TCOF1: variants seen among roughly 807,000 people sequenced by gnomAD.
TCOF1 encodes the protein treacle protein.
A neutral mutation model predicts 149.0 loss-of-function variants in TCOF1; 33 were observed. The observed-to-expected ratio is 0.22, with a 90% CI of 0.17 to 0.30. The LOEUF is 0.30. Ranked by LOEUF, TCOF1 falls within the 10% of genes least tolerant of loss-of-function variation. The pLI is 1.00. For synonymous variants in TCOF1, 789 were observed against 738.8 expected (o/e 1.07, Z -1.10); for missense variants, 1,728 against 1,840.7 (o/e 0.94, Z 1.12).
chr5:150,397,972 G>A (rs954115112), intron 24 of TCOF1, among the ~76,000 whole-genome samples: 9 of 152,138 alleles, frequency 5.9e-5, no homozygotes, highest in African/African-American at 2.2e-4. Context: ...ACCCAGGCTG[G>A]AGTTCAGTGT....
intron 17 of TCOF1, chr5:150,383,040 T>C (rs774965151): frequency 2.0e-6 from 3 of 1,523,084 alleles, no homozygotes; most frequent in South Asian, 1.2e-5. Context: ...ACCACGTGCT[T>C]ATCCAGGTCT....
At position 150,374,349 on chromosome 5, in the gene TCOF1, G is replaced by A; in HGVS notation, c.1046G>A (p.Ser349Asn). The A allele has an allele frequency of 6.4e-7, 1 of 1,562,178 alleles. No individual in the cohort carries two copies. The highest frequency in any genetic ancestry group is 1.7e-4 in the Middle Eastern group (1 of 5,898). ...AGCAGCAGCGAGGAGTCATCTGACA[G>A]TGAGGAGGAGACGCCAGCTGCCAAG... ...SESSSEESSD[S>N]EEETPAAKAL... Residue 349 changes from serine (S) to asparagine (N), a missense_variant, in exon 8 of 27, where the codon AGT (serine) becomes AAT (asparagine). By Grantham distance (46) the Ser-to-Asn change is conservative (BLOSUM62 1). This residue lies in a region of TCOF1 where 1,696 missense variants were observed against 1,765.4 expected (regional missense o/e 0.96). Coordinates refer to ENST00000643257, the MANE Select transcript of TCOF1 (RefSeq NM_001371623.1).
At chr5:150,364,455 G>A (rs1177615117) in intron 3 of TCOF1, among the ~76,000 whole-genome samples, 3 of 152,172 alleles carry the variant, frequency 2.0e-5, no homozygotes, top group Non-Finnish European at 4.4e-5. Context: ...GTGCAAGGCC[G>A]AACCAAAACA....
In TCOF1 at chr5:150,369,661, C is replaced by T. The variant is rs1021027814; in HGVS notation, c.639+59C>T. ...CCCAGCCTCTAACCCTTCCAGGAACCTGTCTGGGGCTTCAGACACCAGTGG... is the reference window on the plus strand; with the variant it reads ...CCCAGCCTCTAACCCTTCCAGGAACTTGTCTGGGGCTTCAGACACCAGTGG... On this transcript the variant is annotated intron_variant, in intron 6 of 26. Transcript: ENST00000643257. The T allele has an allele frequency of 1.9e-6, 3 of 1,582,706 alleles. No homozygotes were observed. In the African/African-American group the frequency reaches 4.0e-5, roughly 21 times the overall value.
chr5:150,376,353 G>A (rs941410535), intron 13 of TCOF1, 23 bp downstream of exon 13: 14 of 1,613,866 alleles, frequency 8.7e-6, no homozygotes, highest in African/African-American at 1.3e-5. Flanking sequence ...TTTTCTGGGC[G>A]GGCCTCAGGG....
At chr5:150,395,878 C>A (rs1384985199) in intron 23 of TCOF1, among the ~76,000 whole-genome samples, 1 of 151,298 alleles carries the variant, frequency 6.6e-6, no homozygotes, top group African/African-American at 2.4e-5. Context: ...TGGCCAGAAT[C>A]ACACTGAAAG....
At chr5:150,393,677 G>A in intron 23 of TCOF1, 125 bp downstream of exon 23, 1 of 1,287,676 alleles carries the variant, frequency 7.8e-7, no homozygotes, top group Non-Finnish European at 1.1e-6. Flanking sequence ...GCCTCTCCAA[G>A]TGAGACCTTG....
At chr5:150,378,880 C>A (rs1562377154) in intron 14 of TCOF1, 25 bp from the exon 15 acceptor site, 1 of 1,613,986 alleles carries the variant, frequency 6.2e-7, no homozygotes, top group Non-Finnish European at 8.5e-7. Flanking sequence ...CCTTCTCCCT[C>A]CTTAATTCCC....
At chr5:150,388,324 C>G (rs1247903964) in intron 18 of TCOF1, among the ~76,000 whole-genome samples, 1 of 152,178 alleles carries the variant, frequency 6.6e-6, no homozygotes, top group Non-Finnish European at 1.5e-5. Context: ...GGAGCCCAGA[C>G]CAGTGGCTAG....
intron 1 of TCOF1, 132 bp downstream of exon 1, chr5:150,357,986 C>T (rs972876005): frequency 2.2e-5 from 19 of 849,544 alleles, no homozygotes; most frequent in Admixed American, 2.1e-4. Context: ...ACGGCGCGGC[C>T]AGGGGTACCG....
At position 150,375,865 on chromosome 5, in the gene TCOF1, A is replaced by G; in HGVS notation, c.1849A>G (p.Ser617Gly). 6.2e-7 allele frequency: 1 copy of G among 1,613,798 alleles called. No individual in the cohort carries two copies. The highest frequency in any genetic ancestry group is 8.5e-7 in the Non-Finnish European group (1 of 1,179,712). ...NSESSEESSD[S>G]ADSEEAPAAM... is the part of the protein sequence containing the mutation. ...GGAGAGCAGCGAGGAGTCATCGGAC[A>G]GTGCGGACAGTGAGGAGGCACCAGC... Residue 617 changes from serine (S) to glycine (G), a missense_variant, in exon 12 of 27, where the codon AGT becomes GGT. Physicochemically the swap from Ser to Gly is moderately conservative, Grantham distance 56. Coordinates refer to ENST00000643257, the MANE Select transcript of TCOF1 (RefSeq NM_001371623.1).
intron 3 of TCOF1, 86 bp from the exon 4 acceptor site, chr5:150,367,758 A>C: frequency 6.7e-7 from 1 of 1,496,002 alleles, no homozygotes; most frequent in South Asian, 1.2e-5. Flanking sequence ...ATACCAATAG[A>C]ATTGTTAGGT....
intron 2 of TCOF1, 137 bp downstream of exon 2, chr5:150,361,348 C>A: frequency 1.1e-6 from 1 of 930,470 alleles, no homozygotes; most frequent in Non-Finnish European, 1.7e-6. Context: ...TCCAGAAAGC[C>A]AGCTCACATC....
intron 7 of TCOF1, among the ~76,000 whole-genome samples, chr5:150,373,412 G>A (rs950073241): frequency 2.6e-5 from 4 of 152,246 alleles, no homozygotes; most frequent in African/African-American, 9.6e-5. Context: ...AGCTAGCCAA[G>A]CAAGACCTGT....
At position 150,393,396 on chromosome 5, in the gene TCOF1, C is replaced by A; in HGVS notation, c.3628C>A (p.Pro1210Thr). The A allele has an allele frequency of 6.2e-7, 1 of 1,614,090 alleles. No homozygotes were observed. Among genetic ancestry groups the A allele is most frequent in the Admixed American group, 1.7e-5 (1 of 60,010 alleles). ...GTCTCTCCTCTCAGGTTATATGACC[C>A]CTGGACTAACCCCAGCCAATTCCCA... ...SQSLLSGYMT[P>T]GLTPANSQAS... is the part of the protein sequence containing the mutation. Residue 1210 changes from proline (P) to threonine (T), a missense_variant, in exon 23 of 27, where the codon CCT (proline) becomes ACT (threonine). Transcript: ENST00000643257.
chr5:150,365,311 C>T (rs141563256), intron 3 of TCOF1, among the ~76,000 whole-genome samples: 24 of 140,808 alleles, frequency 1.7e-4, no homozygotes, highest in African/African-American at 6.1e-4. Flanking sequence ...CCAGACTAGT[C>T]TCAGGTGATC....
At chr5:150,378,725 C>T in intron 14 of TCOF1, 180 bp from the exon 15 acceptor site, 1 of 769,950 alleles carries the variant, frequency 1.3e-6, no homozygotes, top group Non-Finnish European at 2.2e-6. Context: ...TTATTATCTC[C>T]ATTTGATAGA....
At chr5:150,380,250 TC>T (rs535600879) in intron 17 of TCOF1, 217 of 183,176 alleles carry the variant, frequency 1.2e-3, no homozygotes, top group Middle Eastern at 5.5e-3. Context: ...AACGAAGACT[TC>T]CGTAGCTAAA....
rs1193294288 is a variant in TCOF1 at position 150,366,816 on chromosome 5, G to A, written c.305-1028G>A. On this transcript the variant is annotated intron_variant, in intron 3 of 26. Transcript: ENST00000643257. ...ACTACAGGCGCCCGCCACCGCGCCC[G>A]GCTAATTTTTTGTATTTTTAGTAGA... Among the ~76,000 whole-genome samples, 18 of 57,602 alleles carry A rather than the reference G, an allele frequency of 3.1e-4. 6 individuals carry two copies. Among genetic ancestry groups the A allele is most frequent in the African/African-American group, 6.7e-4 (6 of 8,978 alleles). The allele number at this position is 57,602 out of a possible 152,430, so 37.8% of individuals were successfully genotyped here.
Sources: gnomAD v4.1 joint callset for allele counts (sites outside exome capture counted in the v4.1 genomes callset) on GRCh38, gnomAD v4.1.1 for gene constraint, gnomAD v4.1.1 regional missense constraint, MANE v1.5 for transcripts, NCBI Gene and HGNC (gene_info 2026-07-23, HGNC 2026-07-21) for gene names.